The following SLC5A10 variants were observed in gnomAD, a reference collection of about 807,000 sequenced individuals.
SLC5A10 encodes the protein sodium/mannose cotransporter SLC5A10.
In SLC5A10, 55 loss-of-function variants were observed where a neutral mutation model predicts 68.9. The observed-to-expected ratio is 0.80, with a 90% CI of 0.64 to 1.00. The LOEUF (loss-of-function observed/expected upper bound fraction) is 1.00. Among genes scored for constraint, SLC5A10 ranks in the 50% least tolerant of loss-of-function variants. SLC5A10 has a pLI of 0.00. For missense variants in SLC5A10, 732 were observed against 819.3 expected, an observed-to-expected ratio of 0.89 and a Z score of 1.30; for synonymous variants, 344 against 344.8, an observed-to-expected ratio of 1.00 and a Z score of 0.02.
At position 18,976,186 on chromosome 17, in the gene SLC5A10, T is replaced by TGAAAAAAAAAAAAAA. The variant is rs1597843723; in HGVS notation, c.847-668_847-667insGAAAAAAAAAAAAAA. On this transcript the variant is annotated intron_variant, in intron 8 of 14. Transcript: ENST00000395645. ...CTGGGCGACAGAGCAAGACTCCGAC[T>TGAAAAAAAAAAAAAA]CAAAAAAAAAGTAACTCTTTTGAAG... 12 of 30,334 alleles carry TGAAAAAAAAAAAAAA rather than the reference T, an allele frequency of 4.0e-4. 1 individual carries two copies. The highest frequency in any genetic ancestry group is 1.5e-3 in the African/African-American group (12 of 7,866). The allele number at this position is 30,334 out of a possible 1,614,324, so 1.9% of individuals were successfully genotyped here.
At chr17:18,956,023 C>A (rs1281283081) in intron 1 of SLC5A10, among the ~76,000 whole-genome samples, 2 of 152,044 alleles carry the variant, frequency 1.3e-5, no homozygotes, top group African/African-American at 4.8e-5. Context: ...GGAGGAACCC[C>A]ATCTCTACTA....
chr17:18,962,544 G>A (rs573785530), intron 5 of SLC5A10, among the ~76,000 whole-genome samples: 7 of 152,130 alleles, frequency 4.6e-5, no homozygotes, highest in African/African-American at 7.2e-5. Flanking sequence ...TTTGCCTCTC[G>A]GCTGCCAGTT....
chr17:18,988,394 G>A (rs2043322605), intron 9 of SLC5A10: 1 of 1,614,040 alleles, frequency 6.2e-7, no homozygotes, highest in African/African-American at 1.3e-5. Context: ...CGGTGAACAT[G>A]TCCATGACCA....
intron 9 of SLC5A10, among the ~76,000 whole-genome samples, chr17:18,997,476 G>A (rs900074811): frequency 1.3e-5 from 2 of 152,202 alleles, no homozygotes; most frequent in African/African-American, 4.8e-5. Context: ...GGCAGCAAAC[G>A]GCACCAGCTG....
In SLC5A10 at chr17:19,003,472, C is replaced by T; in HGVS notation, c.983-9938C>T. 6.7e-7 allele frequency: 1 copy of T among 1,499,668 alleles called. No homozygotes were observed. The highest frequency in any genetic ancestry group is 8.9e-7 in the Non-Finnish European group (1 of 1,124,400). The allele number at this position is 1,499,668 out of a possible 1,614,324, so 92.9% of individuals were successfully genotyped here. ...TGAGTGAGCCTGTATTGAGAGGGGT[C>T]CGGTGGCTGGTTGGGCCATGGCTCC... On this transcript the variant is annotated intron_variant, in intron 9 of 14. Transcript: ENST00000395645. The surrounding 1 kb of genome is among the most constrained non-coding windows in gnomAD (Gnocchi z 4.5).
At chr17:18,967,012 T>A (rs1258864962) in intron 5 of SLC5A10, among the ~76,000 whole-genome samples, 1 of 152,100 alleles carries the variant, frequency 6.6e-6, no homozygotes, top group Non-Finnish European at 1.5e-5. Context: ...GGCTGGGACA[T>A]GGCAGACCAG....
At chr17:18,974,591 C>T (rs887261129) in intron 8 of SLC5A10, among the ~76,000 whole-genome samples, 5 of 152,226 alleles carry the variant, frequency 3.3e-5, no homozygotes. Flanking sequence ...CCACCTCAGT[C>T]ATAACAGCAA....
chr17:18,989,857 A>G (rs1165183659), intron 9 of SLC5A10, among the ~76,000 whole-genome samples: 2 of 152,204 alleles, frequency 1.3e-5, no homozygotes, highest in East Asian at 3.9e-4. Context: ...AAGTTGGGCC[A>G]GGGCCTGGAC....
chr17:18,969,298 C>T, intron 6 of SLC5A10, 44 bp from the exon 7 acceptor site: 1 of 1,600,714 alleles, frequency 6.2e-7, no homozygotes, highest in East Asian at 2.2e-5. Flanking sequence ...GTCCCTCCTC[C>T]CTGGGGCCAG....
In SLC5A10 at chr17:18,974,416, C is replaced by T. The variant is rs146581646; in HGVS notation, c.847-2438C>T. 3.0e-3 allele frequency among the ~76,000 whole-genome samples: 454 copies of T among 152,380 alleles called. 1 individual carries two copies. The highest frequency in any genetic ancestry group is 4.6e-3 in the Non-Finnish European group (314 of 68,042). On this transcript the variant is annotated intron_variant, in intron 8 of 14. Coordinates refer to ENST00000395645, the MANE Select transcript of SLC5A10 (RefSeq NM_001042450.4). ...AGGGTCCAGTGGACAGAGCCCTGGT[C>T]TGGGCTCCCGTCTGGGCTATGCCCC...
intron 9 of SLC5A10, among the ~76,000 whole-genome samples, chr17:18,983,530 G>T (rs752928023): frequency 6.6e-6 from 1 of 152,222 alleles, no homozygotes; most frequent in African/African-American, 2.4e-5. Flanking sequence ...TAGAGCAGTG[G>T]GGAGGTCCAG....
Position 19,004,560 on chromosome 17 carries a change from T to C in SLC5A10, c.983-8850T>C, listed in dbSNP as rs2043827383. 1 of 151,826 alleles carries C rather than the reference T, an allele frequency of 6.6e-6. No homozygotes were observed. 9.4% of individuals were successfully genotyped at this position (151,826 alleles called of 1,614,324 possible). A position where few individuals can be genotyped will look rare whatever the true frequency, so the allele number is the denominator to read the frequency against. On this transcript the variant is annotated intron_variant, in intron 9 of 14. Coordinates refer to ENST00000395645, the MANE Select transcript of SLC5A10 (RefSeq NM_001042450.4). This position sits in a 1 kb window ranked among gnomAD's most constrained non-coding sequence, Gnocchi z 5.4. Reference sequence around the variant, plus strand: ...AGGGCTTCCGGGTAAGGGAGGGGTCTTAAAATTTCCGGGTGCCGGCAACCC... The same window carrying C: ...AGGGCTTCCGGGTAAGGGAGGGGTCCTAAAATTTCCGGGTGCCGGCAACCC...
chr17:18,969,169 G>A lies in SLC5A10; in HGVS notation c.559+12G>A, dbSNP rs879450849. On this transcript the variant is annotated intron_variant, in intron 6 of 14. Coordinates refer to ENST00000395645, the MANE Select transcript of SLC5A10 (RefSeq NM_001042450.4). ...GTACACCATCGCAGGTATGGTGCCT[G>A]CAGCAGGGAGGTCCACCCAGGGGAC... 11 of 1,612,122 alleles carry A rather than the reference G, an allele frequency of 6.8e-6. No individual in the cohort carries two copies. The highest frequency in any genetic ancestry group is 8.5e-6 in the Non-Finnish European group (10 of 1,179,000).
At chr17:18,961,041 TGAG>T (rs2042604449) in intron 5 of SLC5A10, among the ~76,000 whole-genome samples, 1 of 152,182 alleles carries the variant, frequency 6.6e-6, no homozygotes, top group African/African-American at 2.4e-5. Context: ...TGGTCTGCAC[TGAG>T]CTGACCTGCC....
chr17:19,008,721 G>A (rs1451810885), intron 9 of SLC5A10, among the ~76,000 whole-genome samples: 1 of 151,902 alleles, frequency 6.6e-6, no homozygotes, highest in Non-Finnish European at 1.5e-5. Context: ...GGATGGTATC[G>A]ATCTCCTGAC....
At chr17:18,977,706 T>C (rs2043014724) in intron 9 of SLC5A10, 1 of 1,610,324 alleles carries the variant, frequency 6.2e-7, no homozygotes. Context: ...CCTCGGGTTA[T>C]ATGGGGGGCA....
Position 19,018,609 on chromosome 17 carries a change from C to T in SLC5A10, c.1242-814C>T, listed in dbSNP as rs1353842716. 6.6e-6 allele frequency: 1 copy of T among 152,406 alleles called. No individual in the cohort carries two copies. The highest frequency in any genetic ancestry group is 1.5e-5 in the Non-Finnish European group (1 of 68,188). 9.4% of individuals were successfully genotyped at this position (152,406 alleles called of 1,614,324 possible). A position where few individuals can be genotyped will look rare whatever the true frequency, so the allele number is the denominator to read the frequency against. On this transcript the variant is annotated intron_variant, in intron 11 of 14. Transcript: ENST00000395645. The surrounding 1 kb of genome is among the most constrained non-coding windows in gnomAD (Gnocchi z 4.2). Reference sequence around the variant, plus strand: ...TTGGATGAACAAGTGTAGCATGTGCCTGTTGTAGAGGGGCTCTTGGCCTAA... The same window carrying T: ...TTGGATGAACAAGTGTAGCATGTGCTTGTTGTAGAGGGGCTCTTGGCCTAA...
intron 9 of SLC5A10, among the ~76,000 whole-genome samples, chr17:18,984,521 G>T (rs1034021415): frequency 6.6e-6 from 1 of 152,200 alleles, no homozygotes; most frequent in Non-Finnish European, 1.5e-5. Flanking sequence ...CTTCCTCACC[G>T]TGTGCCTTCC....
At chr17:18,956,135 G>A (rs2042494872) in intron 1 of SLC5A10, among the ~76,000 whole-genome samples, 1 of 151,804 alleles carries the variant, frequency 6.6e-6, no homozygotes, top group African/African-American at 2.4e-5. Context: ...CAGAGGTTGC[G>A]GTGAGCCAAG....
Sources: allele counts gnomAD v4.1 joint callset (sites outside exome capture counted in the v4.1 genomes callset), GRCh38; gene constraint gnomAD v4.1.1; non-coding constraint Gnocchi (gnomAD v3.1); transcripts MANE v1.5; gene names NCBI Gene and HGNC (gene_info 2026-07-23, HGNC 2026-07-21).